The following SAMD4A variants were observed in gnomAD, a reference collection of about 807,000 sequenced individuals.
SAMD4A encodes protein Smaug homolog 1.
SAMD4A carries 33 observed loss-of-function variants against 81.3 expected under a neutral mutation model. That is an observed-to-expected ratio of 0.41 (90% CI 0.31 to 0.54). SAMD4A has a LOEUF of 0.54. Among genes scored for constraint, SAMD4A ranks in the 20% least tolerant of loss-of-function variants. The pLI is 0.37. For synonymous variants in SAMD4A, 389 were observed against 382.1 expected, an observed-to-expected ratio of 1.02 and a Z score of -0.21; for missense variants, 854 against 951.1, an observed-to-expected ratio of 0.90 and a Z score of 1.34.
At chr14:54,684,982 G>T (rs1290669796) in intron 2 of SAMD4A, among the ~76,000 whole-genome samples, 1 of 152,208 alleles carries the variant, frequency 6.6e-6, no homozygotes, top group Admixed American at 6.5e-5. Flanking sequence ...GAAGCTGCAG[G>T]GGCCTGGAAA....
rs200424468 is a variant in SAMD4A, at chr14:54,760,286, C to T, written c.1302C>T (p.Ala434=). The T allele has an allele frequency of 1.4e-5, 23 of 1,611,900 alleles. No individual in the cohort carries two copies. In the East Asian group the frequency reaches 4.2e-4, roughly 30 times the overall value. ...AGGCTCGCCGCCGGGAGCCCCAGGC[C>T]CCGCGTCAGCCCTCACTGATGGGCC... The part of the protein sequence containing the change: ...TPEARRREPQ[A]PRQPSLMGPE... Residue 434 remains alanine, a synonymous_variant, in exon 7 of 13, where the codon GCC becomes GCT. Transcript: ENST00000554335.
At chr14:54,680,895 CAG>C (rs1230894784) in intron 2 of SAMD4A, among the ~76,000 whole-genome samples, 1 of 152,168 alleles carries the variant, frequency 6.6e-6, no homozygotes, top group Non-Finnish European at 1.5e-5. Flanking sequence ...CCAGCGGAGC[CAG>C]AGAGAGAAGA....
intron 2 of SAMD4A, among the ~76,000 whole-genome samples, chr14:54,647,592 A>G (rs1340629842): frequency 6.6e-6 from 1 of 152,264 alleles, no homozygotes; most frequent in Non-Finnish European, 1.5e-5. Context: ...AGCTGAGCAG[A>G]ATAAATATTT....
intron 9 of SAMD4A, among the ~76,000 whole-genome samples, chr14:54,770,443 A>G (rs1312022986): frequency 6.6e-6 from 1 of 152,260 alleles, no homozygotes; most frequent in Admixed American, 6.5e-5. Context: ...TTTGTAACAC[A>G]GTTTGCATTG....
At chr14:54,710,468 A>C (rs537198908) in intron 3 of SAMD4A, among the ~76,000 whole-genome samples, 2 of 152,190 alleles carry the variant, frequency 1.3e-5, no homozygotes, top group Non-Finnish European at 2.9e-5. Flanking sequence ...TGTGACCAAC[A>C]TCACAGACCT....
intron 3 of SAMD4A, among the ~76,000 whole-genome samples, chr14:54,710,955 G>C (rs537739630): frequency 1.4e-4 from 22 of 152,294 alleles, no homozygotes; most frequent in African/African-American, 4.8e-4. Flanking sequence ...CACCTTGTTG[G>C]ACGATGGCCG....
chr14:54,784,120 G>A (rs1594942730), intron 11 of SAMD4A: 6 of 526,542 alleles, frequency 1.1e-5, no homozygotes, highest in East Asian at 9.7e-5. Flanking sequence ...AGGGAACAGC[G>A]GTGCAAAGGC....
chr14:54,722,435 C>G (rs1160317586), intron 3 of SAMD4A, among the ~76,000 whole-genome samples: 1 of 152,186 alleles, frequency 6.6e-6, no homozygotes, highest in African/African-American at 2.4e-5. Context: ...TTGGGTCCTG[C>G]AATGCATAGC....
chr14:54,646,708 T>C lies in SAMD4A; in HGVS notation c.197-55354T>C, dbSNP rs147640854. Among the ~76,000 whole-genome samples, 535 of 152,354 alleles carry C rather than the reference T, an allele frequency of 3.5e-3. 1 individual carries two copies. The highest frequency in any genetic ancestry group is 7.4e-3 in the Admixed American group (114 of 15,310). ...GTTTGTGCCTATTTCATCAGTTCAC[T>C]GGGAGAATGGGCCTGTAAGCACTTA... is the stretch of plus-strand genomic sequence containing the variant. On this transcript the variant is annotated intron_variant, in intron 2 of 12. Transcript: ENST00000554335.
chr14:54,592,649 T>TG (rs2033810331), intron 2 of SAMD4A, among the ~76,000 whole-genome samples: 2 of 152,106 alleles, frequency 1.3e-5, no homozygotes, highest in South Asian at 2.1e-4. Flanking sequence ...TTAGTAGAGA[T>TG]GGGGTTTCAC....
intron 2 of SAMD4A, among the ~76,000 whole-genome samples, chr14:54,583,110 A>AT (rs1006235667): frequency 8.6e-5 from 13 of 151,968 alleles, no homozygotes; most frequent in Non-Finnish European, 1.5e-4. Context: ...TGCCTGGCTA[A>AT]TTTTTTGTAT....
chr14:54,586,568 A>G (rs1233612001), intron 2 of SAMD4A, among the ~76,000 whole-genome samples: 1 of 151,948 alleles, frequency 6.6e-6, no homozygotes, highest in Non-Finnish European at 1.5e-5. Flanking sequence ...CACGTCTTAT[A>G]TTTGTCTTTG....
rs2038806348 is a variant in SAMD4A, at chr14:54,775,059, T to C, written c.1841T>C (p.Leu614Ser). 1.2e-6 allele frequency: 2 copies of C among 1,614,208 alleles called. No individual in the cohort carries two copies. The highest frequency in any genetic ancestry group is 1.6e-4 in the Middle Eastern group (1 of 6,062). ...GTCCCTTCCGCCCGCCTGGGCCTCT[T>C]GGGCACCAGTGGATTCGTCAGCTCC... ...RNVPSARLGL[L>S]GTSGFVSSNQ... The change falls in exon 10 of 13, where the codon TTG becomes TCG. Residue 614 changes from leucine to serine, a missense_variant. Coordinates refer to ENST00000554335, the MANE Select transcript of SAMD4A (RefSeq NM_015589.6).
intron 8 of SAMD4A, among the ~76,000 whole-genome samples, chr14:54,765,889 T>A (rs1044871185): frequency 1.3e-5 from 2 of 149,728 alleles, no homozygotes; most frequent in African/African-American, 2.4e-5. Context: ...CAGCTCCCCC[T>A]TCCCCACTTC....
chr14:54,706,604 C>CAA (rs869228790), intron 3 of SAMD4A, among the ~76,000 whole-genome samples: 7 of 77,730 alleles, frequency 9.0e-5, no homozygotes, highest in African/African-American at 2.8e-4. Flanking sequence ...GACTCTGTCT[C>CAA]AAAAAAAAAA....
At chr14:54,761,956 C>T (rs2038410049) in intron 7 of SAMD4A, among the ~76,000 whole-genome samples, 1 of 152,210 alleles carries the variant, frequency 6.6e-6, no homozygotes, top group African/African-American at 2.4e-5. Flanking sequence ...TTAATAGCTA[C>T]TCAATACCCT....
chr14:54,701,922 C>G, intron 2 of SAMD4A, 140 bp from the exon 3 acceptor site: 2 of 903,594 alleles, frequency 2.2e-6, no homozygotes, highest in South Asian at 1.8e-5. Flanking sequence ...GTTAACCAAT[C>G]TGATTCACAG....
chr14:54,699,404 C>G (rs1341999594), intron 2 of SAMD4A, among the ~76,000 whole-genome samples: 1 of 152,102 alleles, frequency 6.6e-6, no homozygotes, highest in African/African-American at 2.4e-5. Context: ...GTCATCTGTG[C>G]CCTCCTGCCA....
At chr14:54,687,188 A>T in intron 2 of SAMD4A, 1 of 357,906 alleles carries the variant, frequency 2.8e-6, no homozygotes, top group Non-Finnish European at 5.5e-6. Flanking sequence ...TTTTTAGATT[A>T]TCTTCCATTT....
Sources: gnomAD v4.1 joint callset for allele counts (sites outside exome capture counted in the v4.1 genomes callset) on GRCh38, gnomAD v4.1.1 for gene constraint, MANE v1.5 for transcripts, NCBI Gene and HGNC (gene_info 2026-07-23, HGNC 2026-07-21) for gene names.